Variants in ARPC1A observed in about 807,000 individuals in gnomAD.
ARPC1A encodes actin related protein 2/3 complex subunit 1A, also known as actin-related protein 2/3 complex subunit 1A.
ARPC1A carries 8 observed loss-of-function variants against 46.9 expected under a neutral mutation model. The observed-to-expected ratio is 0.17, with a 90% CI of 0.10 to 0.31. The LOEUF is 0.31. Among genes scored for constraint, ARPC1A ranks in the 10% least tolerant of loss-of-function variants. The pLI is 1.00. For missense variants in ARPC1A, 286 were observed against 483.6 expected, an observed-to-expected ratio of 0.59 and a Z score of 3.83; for synonymous variants, 152 against 169.0, an observed-to-expected ratio of 0.90 and a Z score of 0.78.
chr7:99,331,270 T>C (rs548266984), intron 1 of ARPC1A, among the ~76,000 whole-genome samples: 1 of 152,050 alleles, frequency 6.6e-6, no homozygotes, highest in Non-Finnish European at 1.5e-5. Flanking sequence ...TGGTGCATGC[T>C]TGTAGCCACA....
At position 99,363,421 on chromosome 7, in the gene ARPC1A, A is replaced by G. The variant is rs537519098; in HGVS notation, c.984-122A>G. On this transcript the variant is annotated intron_variant, in intron 8 of 9. Coordinates refer to ENST00000262942, the MANE Select transcript of ARPC1A (RefSeq NM_006409.4). ...ATAATGAGACCCGCATCCCAGCTCT[A>G]TTTAAAAAATAAAGAAGAAGATAAT... 4.3e-4 allele frequency: 322 copies of G among 752,242 alleles called. 1 individual carries two copies. The highest frequency in any genetic ancestry group is 6.3e-4 in the Non-Finnish European group (287 of 455,420). The allele number at this position is 752,242 out of a possible 1,614,324, so 46.6% of individuals were successfully genotyped here.
Position 99,333,004 on chromosome 7 carries a change from C to T in ARPC1A, c.-29-321C>T, listed in dbSNP as rs984814979. 2.0e-5 allele frequency among the ~76,000 whole-genome samples: 3 copies of T among 152,084 alleles called. No individual in the cohort carries two copies. The South Asian group carries it at 6.2e-4, about 32-fold the overall frequency. On this transcript the variant is annotated intron_variant, in intron 1 of 9. Coordinates refer to ENST00000262942, the MANE Select transcript of ARPC1A (RefSeq NM_006409.4). ...CTCTGCCTCCTGGATGCAAGCAATT[C>T]TCCTGCCTCAGCCTCCCGAGTAGCT...
intron 3 of ARPC1A, among the ~76,000 whole-genome samples, 191 bp from the exon 4 acceptor site, chr7:99,344,102 G>T (rs1032079179): frequency 6.6e-6 from 1 of 152,186 alleles, no homozygotes; most frequent in South Asian, 2.1e-4. Flanking sequence ...CCGAGTCCCA[G>T]ACGCTTTGCA....
intron 4 of ARPC1A, among the ~76,000 whole-genome samples, chr7:99,348,390 C>CT (rs1793495834): frequency 1.3e-5 from 2 of 152,284 alleles, no homozygotes; most frequent in East Asian, 3.9e-4. Flanking sequence ...GTTCATGGTT[C>CT]TTTTCCTTTC....
chr7:99,340,902 A>G (rs549120747), intron 3 of ARPC1A, among the ~76,000 whole-genome samples: 1 of 152,278 alleles, frequency 6.6e-6, no homozygotes, highest in African/African-American at 2.4e-5. Flanking sequence ...CAGCGTTTCT[A>G]TTTTTGTTGC....
At chr7:99,341,907 G>A (rs935285816) in intron 3 of ARPC1A, among the ~76,000 whole-genome samples, 1 of 151,750 alleles carries the variant, frequency 6.6e-6, no homozygotes, top group African/African-American at 2.4e-5. Flanking sequence ...TAATTTTAGG[G>A]GAAAAAAATA....
intron 8 of ARPC1A, among the ~76,000 whole-genome samples, chr7:99,361,661 A>G (rs1793742892): frequency 6.6e-6 from 1 of 152,156 alleles, no homozygotes; most frequent in African/African-American, 2.4e-5. Context: ...AAAAGCTCTC[A>G]TTGCCTCTCT....
At chr7:99,327,704 C>T (rs1024811466) in intron 1 of ARPC1A, among the ~76,000 whole-genome samples, 2 of 151,952 alleles carry the variant, frequency 1.3e-5, no homozygotes, top group African/African-American at 2.4e-5. Context: ...GGGACCATTT[C>T]GGAAAACTCC....
At chr7:99,356,430 C>A (rs1393603719) in intron 6 of ARPC1A, among the ~76,000 whole-genome samples, 1 of 151,246 alleles carries the variant, frequency 6.6e-6, no homozygotes, top group Non-Finnish European at 1.5e-5. Context: ...CATGGAGAAA[C>A]CCCGCCTCTA....
chr7:99,337,151 G>A (rs935033080), intron 2 of ARPC1A, among the ~76,000 whole-genome samples: 4 of 152,152 alleles, frequency 2.6e-5, no homozygotes, highest in Non-Finnish European at 5.9e-5. Context: ...GCTGAGCCTG[G>A]TGGCTCATGC....
intron 7 of ARPC1A, chr7:99,358,617 C>T (rs1401509936): frequency 5.8e-6 from 3 of 513,438 alleles, no homozygotes; most frequent in Non-Finnish European, 1.0e-5. Context: ...CTTGACTCAC[C>T]GCAACCTCTG....
chr7:99,338,767 C>T (rs777307683), intron 3 of ARPC1A, among the ~76,000 whole-genome samples: 4 of 152,100 alleles, frequency 2.6e-5, no homozygotes, highest in Non-Finnish European at 5.9e-5. Flanking sequence ...TTGTTAAGTG[C>T]TTCTTGTGGC....
intron 5 of ARPC1A, 73 bp downstream of exon 5, chr7:99,349,032 T>A: frequency 7.0e-7 from 1 of 1,430,164 alleles, no homozygotes; most frequent in South Asian, 1.2e-5. Flanking sequence ...TTAGGTTCTC[T>A]TTCTTTGTTT....
intron 2 of ARPC1A, chr7:99,335,384 T>A (rs1584375571): frequency 2.3e-6 from 1 of 438,284 alleles, no homozygotes; most frequent in East Asian, 7.4e-5. Flanking sequence ...CAACTGACTG[T>A]AAAGATGAGA....
At chr7:99,352,268 A>T (rs1362306821) in intron 5 of ARPC1A, among the ~76,000 whole-genome samples, 1 of 152,184 alleles carries the variant, frequency 6.6e-6, no homozygotes, top group Non-Finnish European at 1.5e-5. Flanking sequence ...AGATCTCCCC[A>T]GAATGTGCAG....
intron 4 of ARPC1A, among the ~76,000 whole-genome samples, chr7:99,345,963 C>A (rs1315626904): frequency 3.3e-5 from 5 of 152,122 alleles, no homozygotes; most frequent in Non-Finnish European, 7.3e-5. Context: ...CCTGTAACCC[C>A]AGCACTTTGG....
chr7:99,358,494 C>T (rs1793680737), intron 7 of ARPC1A, 79 bp downstream of exon 7: 1 of 1,270,458 alleles, frequency 7.9e-7, no homozygotes, highest in South Asian at 1.2e-5. Context: ...CTCTGTCACC[C>T]TAGCACAAAG....
At chr7:99,358,753 C>T (rs1200393076) in intron 7 of ARPC1A, 5 of 217,960 alleles carry the variant, frequency 2.3e-5, no homozygotes, top group Admixed American at 1.1e-4. Flanking sequence ...TTGGTCAGGC[C>T]GGTCTCGAAC....
intron 1 of ARPC1A, among the ~76,000 whole-genome samples, chr7:99,332,137 A>G (rs948643690): frequency 6.6e-6 from 1 of 152,148 alleles, no homozygotes; most frequent in Non-Finnish European, 1.5e-5. Context: ...TGAAAATTAG[A>G]TCTGAATCTT....
Sources: gnomAD v4.1 joint callset for allele counts (sites outside exome capture counted in the v4.1 genomes callset) on GRCh38, gnomAD v4.1.1 for gene constraint, MANE v1.5 for transcripts, NCBI Gene and HGNC (gene_info 2026-07-23, HGNC 2026-07-21) for gene names.